The following ZNF469 variants were observed in gnomAD, a reference collection of about 807,000 sequenced individuals.
ZNF469 encodes the protein zinc finger protein 469.
ZNF469 carries 1 observed loss-of-function variant against 1.0 expected under a neutral mutation model. The observed-to-expected ratio is 1.00, with a 90% CI of 0.35 to 4.73. The LOEUF (loss-of-function observed/expected upper bound fraction) is 4.73. ZNF469 is among the 30% of genes most tolerant of loss of function. The pLI is 0.16. For missense variants in ZNF469, 6,100 were observed against 5,356.3 expected (o/e 1.14, Z -4.33); for synonymous variants, 2,703 against 2,363.4 (o/e 1.14, Z -4.17).
rs186499941 is a variant in ZNF469 at position 88,430,497 on chromosome 16, G to T, written c.3027G>T (p.Ala1009=). 3 of 1,418,786 alleles carry T rather than the reference G, an allele frequency of 2.1e-6. No homozygotes were observed. Among genetic ancestry groups the T allele is most frequent in the East Asian group, 2.9e-5 (1 of 34,890 alleles). The allele number at this position is 1,418,786 out of a possible 1,614,324, so 87.9% of individuals were successfully genotyped here. Residue 1009 remains alanine, a synonymous_variant, in exon 3 of 3, where the codon GCG becomes GCT. Transcript: ENST00000565624. ...TQAPGSRADP[A]PRVPRAAALP... ...CCCCCGGGAGCCGCGCAGACCCCGC[G>T]CCCCGGGTCCCGAGAGCCGCCGCCC...
At chr16:88,283,454 A>G in the ZNF469 span, among the ~76,000 whole-genome samples, 1 of 152,238 alleles carries the variant, frequency 6.6e-6, no homozygotes, top group Non-Finnish European at 1.5e-5. Flanking sequence ...AAGTCAATAC[A>G]TTTGTAATAG....
intron 1 of ZNF469, among the ~76,000 whole-genome samples, chr16:88,414,982 C>T (rs562673983): frequency 2.9e-4 from 44 of 152,350 alleles, no homozygotes; most frequent in Admixed American, 1.6e-3. Context: ...GCGCCAGGGC[C>T]CAGGTAGCCT....
the ZNF469 span, among the ~76,000 whole-genome samples, chr16:88,309,667 C>A: frequency 6.6e-6 from 1 of 150,954 alleles, no homozygotes; most frequent in Admixed American, 6.6e-5. Flanking sequence ...TTTGAGGTGC[C>A]CTGTCAGTGT....
At chr16:88,398,530 G>T (rs972892256) in intron 1 of ZNF469, among the ~76,000 whole-genome samples, 1 of 149,118 alleles carries the variant, frequency 6.7e-6, no homozygotes, top group Non-Finnish European at 1.5e-5. Flanking sequence ...AGCCACAGAT[G>T]AGGGGTGTGT....
chr16:88,379,387 C>T (rs1323648757), upstream of ZNF469, among the ~76,000 whole-genome samples: 1 of 152,194 alleles, frequency 6.6e-6, no homozygotes, highest in Admixed American at 6.5e-5. Context: ...CCTTCCCAGC[C>T]CCTGCTCCCT....
At position 88,432,435 on chromosome 16, in the gene ZNF469, G is replaced by A; in HGVS notation, c.4965G>A (p.Gly1655=). The change falls in exon 3 of 3, where the codon GGG becomes GGA. Residue 1655 remains glycine (G), a synonymous_variant. Transcript: ENST00000565624. Reference sequence around the variant, plus strand: ...TGGAAGCGGTTCAGGGGAGGCCTGGGGGGACGTGGCCCTGCCCAGCCTCCT... The same window carrying A: ...TGGAAGCGGTTCAGGGGAGGCCTGGAGGGACGTGGCCCTGCCCAGCCTCCT... ...ATVEAVQGRP[G]GTWPCPASFH... 2 of 1,550,176 alleles carry A rather than the reference G, an allele frequency of 1.3e-6. No individual in the cohort carries two copies. Among genetic ancestry groups the A allele is most frequent in the Non-Finnish European group, 1.7e-6 (2 of 1,146,952 alleles).
the ZNF469 span, among the ~76,000 whole-genome samples, chr16:88,166,032 G>A: frequency 6.6e-6 from 1 of 152,364 alleles, no homozygotes; most frequent in South Asian, 2.1e-4. This position sits in a 1 kb window ranked among gnomAD's most constrained non-coding sequence, Gnocchi z 4.5. Flanking sequence ...TACGCACCCA[G>A]GGGCCACTGA....
At chr16:88,238,888 C>T in the ZNF469 span, among the ~76,000 whole-genome samples, 1 of 152,230 alleles carries the variant, frequency 6.6e-6, no homozygotes, top group Non-Finnish European at 1.5e-5. Context: ...AGTTCCTGCC[C>T]CTCAGCCTTG....
chr16:88,323,883 G>A, the ZNF469 span, among the ~76,000 whole-genome samples: 906 of 152,344 alleles, frequency 5.9e-3, 8 homozygotes, highest in Non-Finnish European at 0.01. Flanking sequence ...AGGGAGACTC[G>A]GAGGAGGCAC....
At chr16:88,309,834 G>T in the ZNF469 span, among the ~76,000 whole-genome samples, 1 of 152,150 alleles carries the variant, frequency 6.6e-6, no homozygotes, top group Non-Finnish European at 1.5e-5. Flanking sequence ...CTGTCCCTGG[G>T]ATCAAAATAA....
the ZNF469 span, among the ~76,000 whole-genome samples, chr16:88,176,446 A>G: frequency 1.7e-4 from 25 of 151,486 alleles, no homozygotes; most frequent in African/African-American, 6.1e-4. Flanking sequence ...GGCGTCAAAG[A>G]AGGAGATTTG....
chr16:88,414,637 C>T (rs538042752), intron 1 of ZNF469, among the ~76,000 whole-genome samples: 12 of 152,364 alleles, frequency 7.9e-5, no homozygotes, highest in African/African-American at 2.4e-4. Context: ...AGGTTGGCAC[C>T]GTAGAGGCCT....
upstream of ZNF469, among the ~76,000 whole-genome samples, chr16:88,379,570 G>A (rs2092516020): frequency 6.6e-6 from 1 of 152,102 alleles, no homozygotes. Flanking sequence ...CCCCAGGAGG[G>A]TGCTGATACC....
the ZNF469 span, among the ~76,000 whole-genome samples, chr16:88,374,058 G>C: frequency 6.6e-6 from 1 of 152,030 alleles, no homozygotes. Context: ...CCAAGCTGAG[G>C]AATGAACGTA....
chr16:88,437,325 C>T lies in ZNF469; in HGVS notation c.9855C>T (p.Ala3285=). The T allele has an allele frequency of 5.2e-6, 8 of 1,547,010 alleles. No individual in the cohort carries two copies. Among genetic ancestry groups the T allele is most frequent in the Non-Finnish European group, 6.1e-6 (7 of 1,145,336 alleles). Residue 3285 remains alanine (A), a synonymous_variant, in exon 3 of 3, where the codon GCC becomes GCT. Coordinates refer to ENST00000565624, the MANE Select transcript of ZNF469 (RefSeq NM_001367624.2). ...GCACCCCCAGCAACCCAGACGGGGC[C>T]GCGACCCCAGACAGCGCCTCTGCCA... is the stretch of plus-strand genomic sequence containing the variant. ...ARSTPSNPDG[A]ATPDSASATA...
the ZNF469 span, among the ~76,000 whole-genome samples, chr16:88,105,509 T>A: frequency 1.3e-5 from 2 of 152,114 alleles, no homozygotes; most frequent in Non-Finnish European, 2.9e-5. Flanking sequence ...TTCACTGTGT[T>A]GGCCAGGCTG....
At chr16:88,423,028 G>A (rs978213865) in intron 1 of ZNF469, among the ~76,000 whole-genome samples, 46 of 151,702 alleles carry the variant, frequency 3.0e-4, no homozygotes, top group African/African-American at 9.9e-4. Flanking sequence ...TGGGTATCTG[G>A]ATGGATGGGT....
chr16:88,117,550 T>TGTGGAAGTGTCACGTGCCTTCACGGACC, the ZNF469 span, among the ~76,000 whole-genome samples: 2 of 40,138 alleles, frequency 5.0e-5, no homozygotes, highest in Admixed American at 5.4e-4. Context: ...AGTTTATACC[T>TGTGGAAGTGTCACGTGCCTTCACGGACC]GTGGAAGTGT....
At chr16:88,164,160 GAAT>G in the ZNF469 span, among the ~76,000 whole-genome samples, 1 of 151,620 alleles carries the variant, frequency 6.6e-6, no homozygotes, top group Non-Finnish European at 1.5e-5. Context: ...GTAGATAGAT[GAAT>G]GTATGGATGG....
Sources: gnomAD v4.1 joint callset for allele counts (sites outside exome capture counted in the v4.1 genomes callset) on GRCh38, gnomAD v4.1.1 for gene constraint, Gnocchi (gnomAD v3.1) non-coding constraint, MANE v1.5 for transcripts, NCBI Gene and HGNC (gene_info 2026-07-23, HGNC 2026-07-21) for gene names.